TTBK2: variants seen among roughly 807,000 people sequenced by gnomAD.
TTBK2 encodes tau-tubulin kinase 2.
In TTBK2, 28 loss-of-function variants were observed where a neutral mutation model predicts 110.8. The ratio of observed to expected loss-of-function variants is 0.25; its 90% CI spans 0.19 to 0.35. The LOEUF is 0.35. TTBK2 is among the 10% of genes least tolerant of loss of function. The pLI is 1.00. For missense variants in TTBK2, 1,369 were observed against 1,500.3 expected (o/e 0.91, Z 1.45); for synonymous variants, 532 against 527.3 (o/e 1.01, Z -0.12).
chr15:42,916,360 C>T (rs1242382093), intron 1 of TTBK2, among the ~76,000 whole-genome samples: 3 of 152,160 alleles, frequency 2.0e-5, no homozygotes, highest in African/African-American at 7.2e-5. Flanking sequence ...CAGAGTTTCA[C>T]TCTGTCACCC....
intron 1 of TTBK2, among the ~76,000 whole-genome samples, chr15:42,891,215 C>T (rs539875505): frequency 3.5e-4 from 49 of 141,298 alleles, no homozygotes; most frequent in African/African-American, 1.2e-3. Context: ...GTCTCACTGT[C>T]GCCCCGGCTG....
rs1889886544 is a variant in TTBK2 at position 42,775,693 on chromosome 15, T to C, written c.1440A>G (p.Ala480=). Residue 480 remains alanine, a synonymous_variant, in exon 13 of 15, where the codon GCA becomes GCG. Coordinates refer to ENST00000267890, the MANE Select transcript of TTBK2 (RefSeq NM_173500.4). ...GAGCAGGGAGAATAGATTCTTTTCCTGCACTGGTATCTTTCTGCATTTTCT... is the reference window on the plus strand; with the variant it reads ...GAGCAGGGAGAATAGATTCTTTTCCCGCACTGGTATCTTTCTGCATTTTCT... The part of the protein sequence containing the change: ...CLEKMQKDTS[A]GKESILPALL... 1 of 1,613,192 alleles carries C rather than the reference T, an allele frequency of 6.2e-7. No individual in the cohort carries two copies. Among genetic ancestry groups the C allele is most frequent in the Admixed American group, 1.7e-5 (1 of 59,968 alleles).
intron 7 of TTBK2, among the ~76,000 whole-genome samples, chr15:42,816,345 G>A (rs994872043): frequency 6.6e-6 from 1 of 150,816 alleles, no homozygotes; most frequent in Non-Finnish European, 1.5e-5. Flanking sequence ...TCAAACTCCT[G>A]ACCTTGTGAT....
chr15:42,787,422 G>GA lies in TTBK2; in HGVS notation c.981-3788dup, dbSNP rs530398896. On this transcript the variant is annotated intron_variant, in intron 10 of 14. Transcript: ENST00000267890. ...TATTCTACCATATCATTTGCAAACA[G>GA]AAAAAAATCAGAAGTTGGCAAACTT... 1.2e-4 allele frequency among the ~76,000 whole-genome samples: 19 copies of GA among 152,134 alleles called. No homozygotes were observed. In the South Asian group the frequency reaches 2.3e-3, roughly 18 times the overall value.
intron 13 of TTBK2, among the ~76,000 whole-genome samples, chr15:42,774,227 G>A (rs767590889): frequency 6.6e-6 from 1 of 152,176 alleles, no homozygotes; most frequent in Admixed American, 6.6e-5. Context: ...GGTGAGTTGG[G>A]GGAGGGGGAC....
chr15:42,891,860 G>A (rs1175765033), intron 1 of TTBK2, among the ~76,000 whole-genome samples: 1 of 152,188 alleles, frequency 6.6e-6, no homozygotes, highest in Non-Finnish European at 1.5e-5. Context: ...AGTGAAGGCA[G>A]CTTTGTGGGA....
intron 1 of TTBK2, among the ~76,000 whole-genome samples, chr15:42,881,793 C>T (rs1443060670): frequency 2.0e-5 from 3 of 151,934 alleles, no homozygotes; most frequent in African/African-American, 7.3e-5. Flanking sequence ...ATCGCTTGAA[C>T]CCAGGAGGTG....
chr15:42,772,347 G>C (rs1177590329), intron 13 of TTBK2, among the ~76,000 whole-genome samples: 1 of 152,116 alleles, frequency 6.6e-6, no homozygotes, highest in Non-Finnish European at 1.5e-5. Flanking sequence ...GTAAGGAACT[G>C]AGGCCTGCCA....
intron 10 of TTBK2, among the ~76,000 whole-genome samples, chr15:42,792,085 C>A (rs752216916): frequency 5.3e-5 from 8 of 152,076 alleles, no homozygotes; most frequent in Non-Finnish European, 1.0e-4. Flanking sequence ...TGCAGTGAGC[C>A]GAGATCACGC....
At chr15:42,887,671 T>C (rs149328464) in intron 1 of TTBK2, among the ~76,000 whole-genome samples, 4,230 of 152,084 alleles carry the variant, frequency 0.028, 195 homozygotes, top group African/African-American at 0.093. Flanking sequence ...ACCCATACAC[T>C]CTCCTATCCT....
chr15:42,890,549 C>T (rs1450892914), intron 1 of TTBK2, among the ~76,000 whole-genome samples: 2 of 152,176 alleles, frequency 1.3e-5, no homozygotes, highest in Non-Finnish European at 2.9e-5. Flanking sequence ...TAGCAAATTG[C>T]ACTTCTCTGT....
intron 9 of TTBK2, among the ~76,000 whole-genome samples, chr15:42,806,132 G>A (rs140921953): frequency 2.0e-5 from 3 of 152,288 alleles, no homozygotes; most frequent in Admixed American, 1.3e-4. Context: ...GGGCATGGTG[G>A]CATGTGCCTG....
chr15:42,815,332 T>G (rs1891892801), intron 7 of TTBK2, among the ~76,000 whole-genome samples: 1 of 151,952 alleles, frequency 6.6e-6, no homozygotes, highest in Non-Finnish European at 1.5e-5. Context: ...CCAAATTAAC[T>G]GCAGCATAGC....
chr15:42,909,273 T>C (rs1172131482), intron 1 of TTBK2, among the ~76,000 whole-genome samples: 1 of 152,216 alleles, frequency 6.6e-6, no homozygotes, highest in Non-Finnish European at 1.5e-5. Flanking sequence ...TCCAAATAGC[T>C]GGGAATACAA....
At chr15:42,799,225 C>T (rs1465889416) in intron 9 of TTBK2, among the ~76,000 whole-genome samples, 1 of 151,864 alleles carries the variant, frequency 6.6e-6, no homozygotes, top group African/African-American at 2.4e-5. Flanking sequence ...AAAAAATTAG[C>T]CAGGTGTGGT....
intron 1 of TTBK2, among the ~76,000 whole-genome samples, chr15:42,880,489 C>T (rs928737482): frequency 3.9e-5 from 6 of 152,170 alleles, no homozygotes; most frequent in African/African-American, 1.4e-4. Context: ...TGGGCTCAAG[C>T]AATCTTCCCA....
intron 1 of TTBK2, among the ~76,000 whole-genome samples, chr15:42,917,505 T>C (rs959262255): frequency 3.3e-5 from 5 of 152,112 alleles, no homozygotes; most frequent in African/African-American, 9.7e-5. Flanking sequence ...GTTGTCCTTA[T>C]GCTCAAAATT....
chr15:42,875,072 C>T (rs1469657201), intron 2 of TTBK2, among the ~76,000 whole-genome samples: 1 of 151,862 alleles, frequency 6.6e-6, no homozygotes, highest in Non-Finnish European at 1.5e-5. Flanking sequence ...ATAAACAGTA[C>T]CAAACAGATT....
intron 1 of TTBK2, among the ~76,000 whole-genome samples, chr15:42,892,199 G>A (rs1322682891): frequency 1.3e-5 from 2 of 152,078 alleles, no homozygotes; most frequent in East Asian, 1.9e-4. Context: ...ATCAATAACG[G>A]CAAGATAACA....
Sources: allele counts gnomAD v4.1 joint callset (sites outside exome capture counted in the v4.1 genomes callset), GRCh38; gene constraint gnomAD v4.1.1; transcripts MANE v1.5; gene names NCBI Gene and HGNC (gene_info 2026-07-23, HGNC 2026-07-21).